The following ASTN1 variants were observed in gnomAD, a reference collection of about 807,000 sequenced individuals.
ASTN1 encodes astrotactin 1, also known as astrotactin-1.
Under a neutral mutation model 140.7 loss-of-function variants are expected in ASTN1, and 41 were observed. The observed-to-expected ratio is 0.29, with a 90% CI of 0.23 to 0.38. ASTN1 has a LOEUF of 0.38. ASTN1 is among the 10% of genes least tolerant of loss of function. The pLI is 1.00. For synonymous variants in ASTN1, 640 were observed against 652.2 expected, an observed-to-expected ratio of 0.98 and a Z score of 0.29; for missense variants, 1,479 against 1,678.8, an observed-to-expected ratio of 0.88 and a Z score of 2.08.
Position 176,861,786 on chromosome 1 carries a change from G to A in ASTN1, c.*2498C>T, listed in dbSNP as rs543930955. 1.0e-6 allele frequency: 1 copy of A among 985,380 alleles called. No individual in the cohort carries two copies. Among genetic ancestry groups the A allele is most frequent in the South Asian group, 4.7e-5 (1 of 21,270 alleles). The allele number at this position is 985,380 out of a possible 1,614,324, so 61.0% of individuals were successfully genotyped here. The stretch of plus-strand genomic sequence containing the variant: ...GGAAAGAGGAGGCCAAAAAAGGAGG[G>A]TCACAGAAAGAAGAAGTAAAAGACA... On this transcript the variant is annotated 3_prime_UTR_variant, in exon 23 of 23. Coordinates refer to ENST00000361833, the MANE Select transcript of ASTN1 (RefSeq NM_004319.3).
rs528250794 is a variant in ASTN1, at chr1:176,898,807, A to G, written c.2672-3977T>C. Among the ~76,000 whole-genome samples, 6 of 152,224 alleles carry G rather than the reference A, an allele frequency of 3.9e-5. No homozygotes were observed. The East Asian group carries it at 1.2e-3, about 29-fold the overall frequency. ...TTCTTTAGGGCATCTTCCCTCTTCTACCCTCTAGAGTCTGAGTAGAACTGC... is the reference window on the plus strand; with the variant it reads ...TTCTTTAGGGCATCTTCCCTCTTCTGCCCTCTAGAGTCTGAGTAGAACTGC... On this transcript the variant is annotated intron_variant, in intron 16 of 22. Coordinates refer to ENST00000361833, the MANE Select transcript of ASTN1 (RefSeq NM_004319.3).
intron 1 of ASTN1, among the ~76,000 whole-genome samples, chr1:177,086,860 T>C (rs547635553): frequency 2.0e-5 from 3 of 152,132 alleles, no homozygotes; most frequent in Non-Finnish European, 4.4e-5. Context: ...GAAATAATAG[T>C]TTTAATTTTG....
At chr1:177,003,897 T>C (rs1341031789) in intron 8 of ASTN1, among the ~76,000 whole-genome samples, 2 of 152,074 alleles carry the variant, frequency 1.3e-5, no homozygotes, top group Admixed American at 6.6e-5. Flanking sequence ...GAAAGCATTA[T>C]GCCTAAGAAC....
rs1295364055 is a variant in ASTN1, at chr1:176,952,816, T to G, written c.1888-3465A>C. ...TTTTCTCCTGGCTCTGGACAATGCC[T>G]CCACTTATTCCTTGAAAGAGAACTG... On this transcript the variant is annotated intron_variant, in intron 11 of 22. Coordinates refer to ENST00000361833, the MANE Select transcript of ASTN1 (RefSeq NM_004319.3). 2.0e-5 allele frequency among the ~76,000 whole-genome samples: 3 copies of G among 152,154 alleles called. No individual in the cohort carries two copies. In the South Asian group the frequency reaches 6.2e-4, roughly 32 times the overall value.
chr1:177,041,335 A>G (rs1490007603), intron 2 of ASTN1, among the ~76,000 whole-genome samples: 2 of 152,142 alleles, frequency 1.3e-5, no homozygotes, highest in Non-Finnish European at 2.9e-5. Context: ...CCCACATATA[A>G]CCCATGTGTA....
chr1:176,909,214 C>G (rs1372795090), intron 16 of ASTN1, among the ~76,000 whole-genome samples: 2 of 152,196 alleles, frequency 1.3e-5, no homozygotes, highest in African/African-American at 4.8e-5. Flanking sequence ...CAGTCCCCGA[C>G]AGCCTCACAG....
At chr1:177,048,194 A>G (rs1213871117) in intron 2 of ASTN1, among the ~76,000 whole-genome samples, 1 of 152,162 alleles carries the variant, frequency 6.6e-6, no homozygotes, top group Non-Finnish European at 1.5e-5. Flanking sequence ...AGAGGAAAGC[A>G]AGAAAGAGGT....
chr1:177,154,706 A>T (rs1386189695), intron 1 of ASTN1, among the ~76,000 whole-genome samples: 1 of 151,704 alleles, frequency 6.6e-6, no homozygotes, highest in African/African-American at 2.4e-5. Flanking sequence ...GGGAGATTAG[A>T]GTATTTTCCT....
At chr1:176,966,604 G>T (rs34781094) in intron 8 of ASTN1, among the ~76,000 whole-genome samples, 1 of 152,030 alleles carries the variant, frequency 6.6e-6, no homozygotes. Flanking sequence ...TAATTTGAGC[G>T]GAGGTTACAC....
chr1:177,159,619 A>G (rs897429461), intron 1 of ASTN1, among the ~76,000 whole-genome samples: 2 of 152,228 alleles, frequency 1.3e-5, no homozygotes, highest in African/African-American at 4.8e-5. Flanking sequence ...TGAGCTCTCA[A>G]AATAAGTTCT....
At chr1:176,952,023 T>C (rs551512597) in intron 11 of ASTN1, among the ~76,000 whole-genome samples, 20 of 152,272 alleles carry the variant, frequency 1.3e-4, no homozygotes, top group Non-Finnish European at 2.4e-4. Context: ...CGGGCCTAGA[T>C]TGTCTGTCCT....
rs111739112 is a variant in ASTN1 at position 177,142,363 on chromosome 1, A to G, written c.283+22031T>C. ...AAATCTAAAAATAAAGTGTTAATAA[A>G]CAAAATCCAATGTAGAAATAGAGGA... is the stretch of plus-strand genomic sequence containing the variant. On this transcript the variant is annotated intron_variant, in intron 1 of 22. Coordinates refer to ENST00000361833, the MANE Select transcript of ASTN1 (RefSeq NM_004319.3). Among the ~76,000 whole-genome samples the G allele has an allele frequency of 8.5e-3, 1,298 of 152,324 alleles. 12 individuals carry two copies. Among genetic ancestry groups the G allele is most frequent in the Non-Finnish European group, 0.013 (890 of 68,026 alleles).
At chr1:177,048,700 G>A (rs188892456) in intron 2 of ASTN1, among the ~76,000 whole-genome samples, 1 of 152,134 alleles carries the variant, frequency 6.6e-6, no homozygotes, top group Non-Finnish European at 1.5e-5. Flanking sequence ...TCCCTAATGT[G>A]GGGGAGCCAC....
At chr1:176,881,665 C>A (rs929716544) in intron 20 of ASTN1, among the ~76,000 whole-genome samples, 23 of 152,140 alleles carry the variant, frequency 1.5e-4, no homozygotes, top group African/African-American at 5.6e-4. Flanking sequence ...AAAAAGTGGA[C>A]CAACATGGTC....
chr1:177,148,775 T>G (rs1488800644), intron 1 of ASTN1, among the ~76,000 whole-genome samples: 1 of 151,608 alleles, frequency 6.6e-6, no homozygotes, highest in Non-Finnish European at 1.5e-5. Flanking sequence ...GCCACTGAGA[T>G]GATGATAGAA....
intron 21 of ASTN1, 111 bp downstream of exon 21, chr1:176,876,426 G>T: frequency 8.8e-7 from 1 of 1,136,928 alleles, no homozygotes; most frequent in Non-Finnish European, 1.3e-6. Flanking sequence ...CTCCTTCCCT[G>T]CTGAACTCCA....
intron 1 of ASTN1, among the ~76,000 whole-genome samples, chr1:177,157,434 C>T (rs1344054813): frequency 1.3e-5 from 2 of 151,980 alleles, no homozygotes; most frequent in Admixed American, 1.3e-4. Flanking sequence ...CCCACCTCAG[C>T]CTCCCAAGTA....
intron 1 of ASTN1, among the ~76,000 whole-genome samples, chr1:177,061,977 AG>A (rs1678120131): frequency 6.6e-6 from 1 of 152,184 alleles, no homozygotes; most frequent in Admixed American, 6.5e-5. Flanking sequence ...ATGGAGACTG[AG>A]GCACGAGACT....
In ASTN1 at chr1:176,949,295, G is replaced by T; in HGVS notation, c.1944C>A (p.Ile648=). The part of the protein sequence containing the change: ...KDSSGCYDRH[I]GVDCSDGFNG... Reference sequence around the variant, plus strand: ...TGAAGCCGTCGGAACAGTCCACCCCGATGTGGCGGTCATAGCAGCCAGAGC... The same window carrying T: ...TGAAGCCGTCGGAACAGTCCACCCCTATGTGGCGGTCATAGCAGCCAGAGC... The change falls in exon 12 of 23, where the codon ATC becomes ATA. Residue 648 remains isoleucine (I), a synonymous_variant. Coordinates refer to ENST00000361833, the MANE Select transcript of ASTN1 (RefSeq NM_004319.3). The T allele has an allele frequency of 6.2e-7, 1 of 1,614,118 alleles. No individual in the cohort carries two copies. The highest frequency in any genetic ancestry group is 8.5e-7 in the Non-Finnish European group (1 of 1,180,018).
Sources: gnomAD v4.1 joint callset for allele counts (sites outside exome capture counted in the v4.1 genomes callset) on GRCh38, gnomAD v4.1.1 for gene constraint, MANE v1.5 for transcripts, NCBI Gene and HGNC (gene_info 2026-07-23, HGNC 2026-07-21) for gene names.